Variants in PITPNM3 observed in about 807,000 individuals in gnomAD.
PITPNM3 encodes the protein membrane-associated phosphatidylinositol transfer protein 3.
PITPNM3 carries 26 observed loss-of-function variants against 102.0 expected under a neutral mutation model. The observed-to-expected ratio is 0.25, with a 90% CI of 0.19 to 0.35. The LOEUF (loss-of-function observed/expected upper bound fraction) is 0.35, where lower values mean the gene tolerates loss of function less well. PITPNM3 is among the 10% of genes least tolerant of loss of function. The pLI, the probability that PITPNM3 is intolerant of heterozygous loss-of-function variation, is 1.00. For synonymous variants in PITPNM3, 578 were observed against 558.6 expected (o/e 1.03, Z -0.49); for missense variants, 1,083 against 1,346.1 (o/e 0.80, Z 3.06).
At chr17:6,461,650 G>T in intron 17 of PITPNM3, 94 bp from the exon 18 acceptor site, 1 of 1,416,940 alleles carries the variant, frequency 7.1e-7, no homozygotes, top group Non-Finnish European at 1.0e-6. Context: ...CTCCTGAGAC[G>T]TCAGAGGGAC....
intron 4 of PITPNM3, among the ~76,000 whole-genome samples, chr17:6,501,340 C>T (rs1328760564): frequency 1.3e-5 from 2 of 152,178 alleles, no homozygotes; most frequent in East Asian, 3.9e-4. Context: ...GAGACTGCCC[C>T]TCCCAGAGCT....
intron 3 of PITPNM3, among the ~76,000 whole-genome samples, chr17:6,509,770 CG>C (rs1907761827): frequency 6.6e-6 from 1 of 152,196 alleles, no homozygotes; most frequent in Non-Finnish European, 1.5e-5. Context: ...ACTCATTCCC[CG>C]GCCCCTCCTG....
intron 11 of PITPNM3, among the ~76,000 whole-genome samples, chr17:6,471,722 T>G (rs948647446): frequency 5.3e-5 from 8 of 152,078 alleles, no homozygotes; most frequent in African/African-American, 1.9e-4. Flanking sequence ...CCATATCCTC[T>G]CTTATCCAAC....
intron 4 of PITPNM3, among the ~76,000 whole-genome samples, chr17:6,490,801 A>C (rs1198806690): frequency 6.6e-6 from 1 of 150,602 alleles, no homozygotes; most frequent in Non-Finnish European, 1.5e-5. Flanking sequence ...TAAAAATACA[A>C]AAATTAGACA....
chr17:6,528,546 T>G (rs1414203263), intron 2 of PITPNM3, among the ~76,000 whole-genome samples: 1 of 152,120 alleles, frequency 6.6e-6, no homozygotes. Context: ...CAAGTGAGTG[T>G]GTACATGCAT....
At chr17:6,505,427 T>C (rs1479226023) in intron 3 of PITPNM3, among the ~76,000 whole-genome samples, 2 of 152,046 alleles carry the variant, frequency 1.3e-5, no homozygotes, top group African/African-American at 4.8e-5. Flanking sequence ...CTAGGGGCCG[T>C]GACAAAGCCT....
intron 3 of PITPNM3, 44 bp from the exon 4 acceptor site, chr17:6,503,618 T>C (rs765012361): frequency 2.5e-6 from 4 of 1,589,134 alleles, no homozygotes; most frequent in Non-Finnish European, 3.4e-6. Context: ...TTGACACTGT[T>C]GCCAGGCACT....
At chr17:6,482,108 G>A (rs1905776481) in intron 6 of PITPNM3, among the ~76,000 whole-genome samples, 1 of 138,844 alleles carries the variant, frequency 7.2e-6, no homozygotes, top group Admixed American at 7.8e-5. Context: ...TGCCCTCCTT[G>A]AGCTGGCTGT....
intron 3 of PITPNM3, among the ~76,000 whole-genome samples, chr17:6,522,778 A>G (rs939768530): frequency 6.6e-6 from 1 of 152,060 alleles, no homozygotes; most frequent in Non-Finnish European, 1.5e-5. Context: ...CCTTTCCCCA[A>G]GATACTTCCC....
chr17:6,467,105 A>C (rs9892164), intron 14 of PITPNM3, among the ~76,000 whole-genome samples: 50,801 of 146,950 alleles, frequency 0.35, 10,459 homozygotes, highest in Middle Eastern at 0.57. Flanking sequence ...AGGTGAAAAC[A>C]ACCCAAAAAA....
intron 2 of PITPNM3, among the ~76,000 whole-genome samples, chr17:6,529,847 T>C (rs1193519960): frequency 2.0e-5 from 3 of 151,968 alleles, no homozygotes; most frequent in Non-Finnish European, 4.4e-5. Flanking sequence ...TCCCTCTTCC[T>C]TGTGAGGGGC....
chr17:6,482,939 C>T (rs531778725), intron 6 of PITPNM3, among the ~76,000 whole-genome samples: 1 of 151,800 alleles, frequency 6.6e-6, no homozygotes, highest in African/African-American at 2.4e-5. Context: ...AAACTCTCAA[C>T]ACTCCGTGTC....
intron 3 of PITPNM3, among the ~76,000 whole-genome samples, chr17:6,509,600 G>T (rs547768161): frequency 6.6e-6 from 1 of 151,934 alleles, no homozygotes; most frequent in Admixed American, 6.6e-5. Context: ...GCTGAGGAGC[G>T]AAGACCTGCA....
chr17:6,466,199 G>A (rs1202881906), intron 14 of PITPNM3, among the ~76,000 whole-genome samples: 2 of 152,180 alleles, frequency 1.3e-5, no homozygotes, highest in African/African-American at 4.8e-5. Flanking sequence ...CCTGGCCCTG[G>A]CCCTCTTCCC....
At chr17:6,503,913 C>T (rs1448809328) in intron 3 of PITPNM3, among the ~76,000 whole-genome samples, 1 of 152,018 alleles carries the variant, frequency 6.6e-6, no homozygotes, top group East Asian at 1.9e-4. Flanking sequence ...TCACTCTCTC[C>T]TCTGAGGGTC....
At chr17:6,532,664 C>T (rs12936453) in intron 2 of PITPNM3, among the ~76,000 whole-genome samples, 103,299 of 151,912 alleles carry the variant, frequency 0.68, 35,610 homozygotes, top group Middle Eastern at 0.79. Flanking sequence ...TGCATATATC[C>T]GTGGTCCGTT....
chr17:6,474,313 C>T, intron 10 of PITPNM3, 119 bp downstream of exon 10: 1 of 1,364,234 alleles, frequency 7.3e-7, no homozygotes, highest in Non-Finnish European at 1.0e-6. Context: ...TTCCACCTAT[C>T]CCAACTCTGT....
In PITPNM3 at chr17:6,451,305, G is replaced by A. The variant is rs1913821487; in HGVS notation, c.*4033C>T. ...TTTATTTAAGTGACAACATTTGAGA[G>A]CTAAAAACCAGCTCACATCAAAATC... On this transcript the variant is annotated 3_prime_UTR_variant, in exon 20 of 20. Transcript: ENST00000262483. The A allele has an allele frequency of 6.6e-6, 1 of 152,210 alleles. No individual in the cohort carries two copies. Among genetic ancestry groups the A allele is most frequent in the Non-Finnish European group, 1.5e-5 (1 of 68,034 alleles). The allele number at this position is 152,210 out of a possible 1,614,324, so 9.4% of individuals were successfully genotyped here. A position where few individuals can be genotyped will look rare whatever the true frequency, so the allele number is the denominator to read the frequency against.
At chr17:6,476,673 A>G (rs1000856383) in intron 9 of PITPNM3, among the ~76,000 whole-genome samples, 11 of 152,214 alleles carry the variant, frequency 7.2e-5, no homozygotes, top group Non-Finnish European at 1.5e-4. Flanking sequence ...GACTCACAAA[A>G]CACAGTCACA....
Sources: gnomAD v4.1 joint callset for allele counts (sites outside exome capture counted in the v4.1 genomes callset) on GRCh38, gnomAD v4.1.1 for gene constraint, MANE v1.5 for transcripts, NCBI Gene and HGNC (gene_info 2026-07-23, HGNC 2026-07-21) for gene names.